Variants in PTK2B observed in about 807,000 individuals in gnomAD.
PTK2B encodes the protein protein tyrosine kinase 2 beta.
PTK2B carries 71 observed loss-of-function variants against 142.9 expected under a neutral mutation model. The ratio of observed to expected loss-of-function variants is 0.50; its 90% CI spans 0.41 to 0.61. The LOEUF (loss-of-function observed/expected upper bound fraction) is 0.61, where lower values mean the gene tolerates loss of function less well. Ranked by LOEUF, PTK2B falls within the 20% of genes least tolerant of loss-of-function variation. The pLI is 0.00. For missense variants in PTK2B, 1,105 were observed against 1,320.4 expected (o/e 0.84, Z 2.53); for synonymous variants, 519 against 503.4 (o/e 1.03, Z -0.42).
intron 1 of PTK2B, among the ~76,000 whole-genome samples, chr8:27,381,335 A>G (rs73568052): frequency 2.0e-3 from 308 of 152,120 alleles, no homozygotes; most frequent in African/African-American, 7.2e-3. Context: ...CTCTCCATCC[A>G]CCTTCCACCC....
chr8:27,428,208 G>C (rs114289031), intron 5 of PTK2B, among the ~76,000 whole-genome samples: 2,520 of 152,258 alleles, frequency 0.017, 28 homozygotes, highest in Middle Eastern at 0.048. Context: ...TCTGACAGGA[G>C]ATGGAGCTCA....
At chr8:27,334,890 T>C (rs1398234877) in intron 1 of PTK2B, among the ~76,000 whole-genome samples, 1 of 152,176 alleles carries the variant, frequency 6.6e-6, no homozygotes, top group Non-Finnish European at 1.5e-5. Flanking sequence ...GTCAGCAGTC[T>C]AGGGCAGGAA....
chr8:27,447,163 C>T (rs531247771), intron 24 of PTK2B, among the ~76,000 whole-genome samples: 2 of 152,184 alleles, frequency 1.3e-5, no homozygotes, highest in Non-Finnish European at 2.9e-5. Context: ...CCACAAGGAC[C>T]TTGTTCAGTT....
At chr8:27,422,594 C>T (rs1809832192) in intron 5 of PTK2B, among the ~76,000 whole-genome samples, 1 of 152,174 alleles carries the variant, frequency 6.6e-6, no homozygotes, top group Non-Finnish European at 1.5e-5. Flanking sequence ...TCCCTAGTCT[C>T]ACTCTCCTGG....
chr8:27,344,167 C>T (rs1390382777), intron 1 of PTK2B, among the ~76,000 whole-genome samples: 1 of 152,030 alleles, frequency 6.6e-6, no homozygotes, highest in Non-Finnish European at 1.5e-5. Flanking sequence ...ATTTGTGCGC[C>T]CTCTCCCACT....
chr8:27,409,120 C>T (rs1012606509), intron 2 of PTK2B, among the ~76,000 whole-genome samples: 6 of 152,154 alleles, frequency 3.9e-5, no homozygotes, highest in South Asian at 2.1e-4. Flanking sequence ...GATGACAGCC[C>T]ACCCGAATGA....
At chr8:27,439,270 C>A in intron 19 of PTK2B, 39 bp from the exon 20 acceptor site, 1 of 1,574,442 alleles carries the variant, frequency 6.4e-7, no homozygotes, top group Non-Finnish European at 8.7e-7. Flanking sequence ...TAATTCTGAT[C>A]TTTCTTCCCT....
rs201945609 is a variant in PTK2B, at chr8:27,432,385, A to C, written c.987+24A>C. Reference sequence around the variant, plus strand: ...AGGTGAGTGTCTCTGGGCACTGGGCACCTGGCAGCTCTGCAGGGGGTATAA... The same window carrying C: ...AGGTGAGTGTCTCTGGGCACTGGGCCCCTGGCAGCTCTGCAGGGGGTATAA... On this transcript the variant is annotated intron_variant, in intron 10 of 30. Transcript: ENST00000346049. 1.9e-6 allele frequency: 3 copies of C among 1,605,908 alleles called. No homozygotes were observed. The Admixed American group carries it at 5.0e-5, about 27-fold the overall frequency.
intron 2 of PTK2B, chr8:27,313,195 C>T (rs1803022123): frequency 6.6e-6 from 1 of 152,252 alleles, no homozygotes; most frequent in South Asian, 2.1e-4. Context: ...GTTCATTCTC[C>T]TTCCTGCAGC....
intron 1 of PTK2B, among the ~76,000 whole-genome samples, chr8:27,351,130 G>A (rs1175255981): frequency 6.9e-6 from 1 of 145,902 alleles, no homozygotes; most frequent in African/African-American, 2.6e-5. Flanking sequence ...CTTGAGCCCA[G>A]AAGTTCCAGG....
chr8:27,418,756 G>A (rs992124832), intron 2 of PTK2B, among the ~76,000 whole-genome samples: 4 of 152,002 alleles, frequency 2.6e-5, no homozygotes, highest in Non-Finnish European at 4.4e-5. Flanking sequence ...GTCCGGGCGC[G>A]GTGGCTCACG....
At chr8:27,447,946 A>C (rs1400827803) in intron 24 of PTK2B, among the ~76,000 whole-genome samples, 1 of 152,248 alleles carries the variant, frequency 6.6e-6, no homozygotes, top group Non-Finnish European at 1.5e-5. Context: ...TCGGTGCTGA[A>C]GGGGGGAGGC....
chr8:27,379,011 C>T (rs564412657), intron 1 of PTK2B, among the ~76,000 whole-genome samples: 3 of 152,186 alleles, frequency 2.0e-5, no homozygotes, highest in African/African-American at 4.8e-5. Flanking sequence ...GCTGGATGCC[C>T]GATTTTTATA....
chr8:27,402,772 A>G (rs556820039), intron 2 of PTK2B, among the ~76,000 whole-genome samples: 1 of 152,332 alleles, frequency 6.6e-6, no homozygotes, highest in South Asian at 2.1e-4. Flanking sequence ...ACAGGTCACC[A>G]TCATCATCTC....
chr8:27,379,217 A>G (rs1375449249), intron 1 of PTK2B, among the ~76,000 whole-genome samples: 1 of 152,194 alleles, frequency 6.6e-6, no homozygotes, highest in Non-Finnish European at 1.5e-5. Flanking sequence ...AAAAGGGAAC[A>G]TTTAATTTCC....
intron 1 of PTK2B, among the ~76,000 whole-genome samples, chr8:27,326,092 A>G (rs2130742799): frequency 6.6e-6 from 1 of 152,098 alleles, no homozygotes; most frequent in African/African-American, 2.4e-5. Context: ...CCGCAGCCCC[A>G]GGGGTTATAG....
At chr8:27,409,161 C>G (rs1333763555) in intron 2 of PTK2B, among the ~76,000 whole-genome samples, 1 of 152,322 alleles carries the variant, frequency 6.6e-6, no homozygotes, top group South Asian at 2.1e-4. Context: ...TCTGTAAACA[C>G]TCTATAAAGT....
At chr8:27,424,692 C>T (rs183743454) in intron 5 of PTK2B, among the ~76,000 whole-genome samples, 6 of 152,166 alleles carry the variant, frequency 3.9e-5, no homozygotes, top group Admixed American at 3.9e-4. Flanking sequence ...TATTTCTCAC[C>T]CAAAGAGAAT....
At chr8:27,317,377 T>G (rs1223932833) in intron 3 of PTK2B, among the ~76,000 whole-genome samples, 1 of 152,206 alleles carries the variant, frequency 6.6e-6, no homozygotes, top group Non-Finnish European at 1.5e-5. Context: ...GAGAAAATTT[T>G]CCATTTGATA....
Sources: gnomAD v4.1 joint callset for allele counts (sites outside exome capture counted in the v4.1 genomes callset) on GRCh38, gnomAD v4.1.1 for gene constraint, MANE v1.5 for transcripts, NCBI Gene and HGNC (gene_info 2026-07-23, HGNC 2026-07-21) for gene names.